The following DDX60 variants were observed in gnomAD, a reference collection of about 807,000 sequenced individuals.
DDX60 encodes the protein DExD/H-box helicase 60.
DDX60 carries 165 observed loss-of-function variants against 212.8 expected under a neutral mutation model. The ratio of observed to expected loss-of-function variants is 0.78; its 90% CI spans 0.68 to 0.88. DDX60 has a LOEUF of 0.88. DDX60 is among the 40% of genes least tolerant of loss of function. DDX60 has a pLI of 0.00. For synonymous variants in DDX60, 703 were observed against 685.3 expected (o/e 1.03, Z -0.40); for missense variants, 1,905 against 2,003.9 (o/e 0.95, Z 0.94).
intron 27 of DDX60, 34 bp downstream of exon 27, chr4:168,252,475 T>C (rs372155077): frequency 9.2e-5 from 148 of 1,611,452 alleles, no homozygotes; most frequent in Non-Finnish European, 1.2e-4. Flanking sequence ...ACAAATGAAA[T>C]AGTTTGGAGA....
intron 21 of DDX60, 61 bp downstream of exon 21, chr4:168,267,780 G>C: frequency 6.5e-7 from 1 of 1,540,296 alleles, no homozygotes; most frequent in South Asian, 1.2e-5. Flanking sequence ...TCAAGGCAAT[G>C]GCAGATTTTT....
intron 14 of DDX60, among the ~76,000 whole-genome samples, chr4:168,279,940 G>A (rs542174834): frequency 6.6e-6 from 1 of 152,260 alleles, no homozygotes; most frequent in Admixed American, 6.5e-5. Flanking sequence ...CCTTCACAGA[G>A]ACACTTTGAT....
At chr4:168,310,962 A>C (rs759847233) in intron 3 of DDX60, 36 bp downstream of exon 3, 2 of 1,259,710 alleles carry the variant, frequency 1.6e-6, no homozygotes, top group East Asian at 4.7e-5. Context: ...AACATGAGCT[A>C]TGATTTCCCG....
intron 25 of DDX60, among the ~76,000 whole-genome samples, chr4:168,260,328 T>C (rs1734575430): frequency 6.6e-6 from 1 of 152,164 alleles, no homozygotes; most frequent in Non-Finnish European, 1.5e-5. Flanking sequence ...AGTGTTCTCA[T>C]TGTTCAATTC....
At chr4:168,222,701 G>A (rs1733105325) in intron 35 of DDX60, among the ~76,000 whole-genome samples, 1 of 152,082 alleles carries the variant, frequency 6.6e-6, no homozygotes, top group African/African-American at 2.4e-5. Flanking sequence ...TTTTAAATGA[G>A]TTGGTAGTAG....
In DDX60 at chr4:168,255,184, A is replaced by T. The variant is rs560367115; in HGVS notation, c.3557+527T>A. Among the ~76,000 whole-genome samples, 24 of 152,308 alleles carry T rather than the reference A, an allele frequency of 1.6e-4. No individual in the cohort carries two copies. In the East Asian group the frequency reaches 4.3e-3, roughly 27 times the overall value. On this transcript the variant is annotated intron_variant, in intron 26 of 37. Transcript: ENST00000393743. ...GAGAGGGGATAAACATTTTGGCCCT[A>T]GAGTTGACAGAATTAGACATTGAGA...
rs768937754 is a variant in DDX60 at position 168,288,220 on chromosome 4, A to C, written c.1137T>G (p.Leu379=). 1.3e-6 allele frequency: 2 copies of C among 1,522,122 alleles called. No homozygotes were observed. The highest frequency in any genetic ancestry group is 1.2e-5 in the South Asian group (1 of 84,012). The allele number at this position is 1,522,122 out of a possible 1,614,324, so 94.3% of individuals were successfully genotyped here. Residue 379 remains leucine (L), a synonymous_variant, in exon 9 of 38, where the codon CTT becomes CTG. Coordinates refer to ENST00000393743, the MANE Select transcript of DDX60 (RefSeq NM_017631.6). ...LIHLSDLNDE[L]LLKNIAFYYE... is the part of the protein sequence containing the mutation. Reference sequence around the variant, plus strand: ...AGTAAAAAGCAATATTCTTCAACAAAAGCTCATCATTTAAGTCAGAAAGGT... The same window carrying C: ...AGTAAAAAGCAATATTCTTCAACAACAGCTCATCATTTAAGTCAGAAAGGT...
intron 33 of DDX60, among the ~76,000 whole-genome samples, chr4:168,228,232 C>A (rs1733326776): frequency 6.6e-6 from 1 of 151,972 alleles, no homozygotes; most frequent in Non-Finnish European, 1.5e-5. Context: ...AGTAAAAATA[C>A]AATATTATAT....
At chr4:168,258,658 A>G (rs1734509150) in intron 25 of DDX60, among the ~76,000 whole-genome samples, 1 of 152,112 alleles carries the variant, frequency 6.6e-6, no homozygotes, top group Non-Finnish European at 1.5e-5. Flanking sequence ...TAAACTTTTG[A>G]TGTTTTCTGA....
intron 5 of DDX60, among the ~76,000 whole-genome samples, chr4:168,303,952 A>G (rs1268992242): frequency 6.6e-6 from 1 of 152,204 alleles, no homozygotes; most frequent in Non-Finnish European, 1.5e-5. Context: ...ACAGCACTCC[A>G]GCCTGGGCAA....
intron 30 of DDX60, among the ~76,000 whole-genome samples, chr4:168,242,056 C>A (rs1342481285): frequency 6.6e-6 from 1 of 152,188 alleles, no homozygotes; most frequent in Non-Finnish European, 1.5e-5. Context: ...AGGGTGGAAG[C>A]CCCAAGCCTT....
rs755996268 is a variant in DDX60, at chr4:168,236,389, T to C, written c.4412-16A>G. ...TGTTTTGAGCCTATATAAAACAAAGTGTCTTCTTGTAAATATGAAAGGGTA... is the reference window on the plus strand; with the variant it reads ...TGTTTTGAGCCTATATAAAACAAAGCGTCTTCTTGTAAATATGAAAGGGTA... On this transcript the variant is annotated splice_polypyrimidine_tract_variant and intron_variant, in intron 32 of 37. Transcript: ENST00000393743. The C allele has an allele frequency of 6.3e-7, 1 of 1,577,272 alleles. No homozygotes were observed. Among genetic ancestry groups the C allele is most frequent in the Admixed American group, 1.8e-5 (1 of 54,338 alleles).
chr4:168,271,536 G>A (rs1346606006), intron 19 of DDX60, among the ~76,000 whole-genome samples: 1 of 152,228 alleles, frequency 6.6e-6, no homozygotes, highest in African/African-American at 2.4e-5. Context: ...TTTAAGCCAA[G>A]GGGCAAACTA....
chr4:168,257,994 G>A (rs1018328104), intron 25 of DDX60, among the ~76,000 whole-genome samples: 1 of 152,220 alleles, frequency 6.6e-6, no homozygotes. Context: ...TATCTGAATT[G>A]CTTCAGCAGT....
At chr4:168,267,714 T>G (rs755873291) in intron 21 of DDX60, 23 bp from the exon 22 acceptor site, 67 of 1,558,674 alleles carry the variant, frequency 4.3e-5, no homozygotes, top group Non-Finnish European at 5.8e-5. Flanking sequence ...AACAAGAATT[T>G]CCACATCAAT....
rs1384005966 is a variant in DDX60, at chr4:168,220,319, T to C, written c.5039+336A>G. 2.6e-5 allele frequency among the ~76,000 whole-genome samples: 4 copies of C among 152,122 alleles called. No homozygotes were observed. The East Asian group carries it at 7.7e-4, about 29-fold the overall frequency. On this transcript the variant is annotated intron_variant, in intron 37 of 37. Transcript: ENST00000393743. The stretch of plus-strand genomic sequence containing the variant: ...TCTGAAATATCGTGTCCCATGTCTT[T>C]GACATACACTGCTTGTGGCAATTGA...
intron 30 of DDX60, among the ~76,000 whole-genome samples, chr4:168,243,930 A>C (rs1733936652): frequency 6.6e-6 from 1 of 152,226 alleles, no homozygotes; most frequent in Non-Finnish European, 1.5e-5. Context: ...AGCTATAAAA[A>C]GGAATGAGAT....
At chr4:168,258,918 A>G (rs528227701) in intron 25 of DDX60, among the ~76,000 whole-genome samples, 26 of 152,290 alleles carry the variant, frequency 1.7e-4, no homozygotes, top group African/African-American at 5.8e-4. Context: ...AAGACAAGGG[A>G]AATCTATACT....
At chr4:168,273,151 T>C in intron 18 of DDX60, 128 bp downstream of exon 18, 7 of 991,294 alleles carry the variant, frequency 7.1e-6, no homozygotes, top group Non-Finnish European at 1.0e-5. Flanking sequence ...TCTAAAAGTA[T>C]TTTGTCTTTC....
Sources: gnomAD v4.1 joint callset for allele counts (sites outside exome capture counted in the v4.1 genomes callset) on GRCh38, gnomAD v4.1.1 for gene constraint, MANE v1.5 for transcripts, NCBI Gene and HGNC (gene_info 2026-07-23, HGNC 2026-07-21) for gene names.